NDUFAF2: variants seen among roughly 807,000 people sequenced by gnomAD.
NDUFAF2 encodes NADH:ubiquinone oxidoreductase complex assembly factor 2, also known as NADH dehydrogenase [ubiquinone] 1 alpha subcomplex assembly factor 2.
In NDUFAF2, 13 loss-of-function variants were observed where a neutral mutation model predicts 22.8. The observed-to-expected ratio is 0.57, with a 90% confidence interval of 0.37 to 0.91. NDUFAF2 has a LOEUF of 0.91. Among genes scored for constraint, NDUFAF2 ranks in the 40% least tolerant of loss-of-function variants. The pLI, the probability that NDUFAF2 is intolerant of heterozygous loss-of-function variation, is 0.01. For missense variants in NDUFAF2, 162 were observed against 195.2 expected (o/e 0.83, Z 1.01); for synonymous variants, 53 against 64.2 (o/e 0.83, Z 0.84).
chr5:61,107,126 G>A lies in NDUFAF2; in HGVS notation c.258+8094G>A, dbSNP rs550528103. ...AGCAGTAGAATTGCTAGATCATATG[G>A]TAGTTCCATTTTTAGTTTTTTCAGG... is the stretch of plus-strand genomic sequence containing the variant. On this transcript the variant is annotated intron_variant, in intron 3 of 3. Coordinates refer to ENST00000296597, the MANE Select transcript of NDUFAF2 (RefSeq NM_174889.5). Among the ~76,000 whole-genome samples the A allele has an allele frequency of 2.8e-4, 40 of 144,724 alleles. 1 individual carries two copies. The highest frequency in any genetic ancestry group is 9.6e-4 in the African/African-American group (37 of 38,478). The allele number at this position is 144,724 out of a possible 152,430, so 94.9% of individuals were successfully genotyped here.
At chr5:61,095,612 G>A (rs527297492) in intron 2 of NDUFAF2, among the ~76,000 whole-genome samples, 4 of 152,294 alleles carry the variant, frequency 2.6e-5, no homozygotes, top group South Asian at 2.1e-4. Context: ...GTAGAGCTGC[G>A]CCTCTGTGCG....
chr5:61,062,123 A>G (rs1033274159), intron 1 of NDUFAF2, among the ~76,000 whole-genome samples: 1 of 152,220 alleles, frequency 6.6e-6, no homozygotes. Context: ...AGATGTGCAG[A>G]TATATCAACA....
intron 1 of NDUFAF2, among the ~76,000 whole-genome samples, chr5:61,008,046 G>A (rs329615): frequency 0.15 from 22,500 of 150,480 alleles, 2,119 homozygotes; most frequent in South Asian, 0.28. Flanking sequence ...GTAAACTATC[G>A]CAAGAACAAA....
At chr5:61,134,280 A>G (rs1740867138) in intron 3 of NDUFAF2, among the ~76,000 whole-genome samples, 1 of 139,262 alleles carries the variant, frequency 7.2e-6, no homozygotes, top group African/African-American at 2.5e-5. Flanking sequence ...TAAAAATGAC[A>G]GGTAGAGGGA....
intron 1 of NDUFAF2, among the ~76,000 whole-genome samples, chr5:61,045,066 G>GTAAAATAAAA (rs1751931304): frequency 1.5e-5 from 2 of 130,710 alleles, no homozygotes; most frequent in African/African-American, 2.7e-5. Flanking sequence ...GTAAAATAAA[G>GTAAAATAAAA]TTTTATTAAA....
intron 1 of NDUFAF2, among the ~76,000 whole-genome samples, chr5:61,004,469 G>A (rs192238436): frequency 6.8e-4 from 103 of 152,084 alleles, no homozygotes; most frequent in African/African-American, 2.2e-3. Context: ...ATCTACTGGA[G>A]TATCATATAA....
intron 2 of NDUFAF2, among the ~76,000 whole-genome samples, chr5:61,080,820 C>T (rs1239455496): frequency 6.6e-6 from 1 of 152,058 alleles, no homozygotes; most frequent in African/African-American, 2.4e-5. Flanking sequence ...TTTTCATTCT[C>T]TTGACAGTGC....
chr5:61,010,213 A>C (rs1751426213), intron 1 of NDUFAF2, among the ~76,000 whole-genome samples: 1 of 152,032 alleles, frequency 6.6e-6, no homozygotes, highest in Admixed American at 6.6e-5. Flanking sequence ...CTGAGTTTCA[A>C]ATCTGATTAT....
intron 1 of NDUFAF2, among the ~76,000 whole-genome samples, chr5:60,994,955 T>C (rs1751210372): frequency 6.6e-6 from 1 of 152,154 alleles, no homozygotes; most frequent in South Asian, 2.1e-4. Flanking sequence ...TTCTTTCTTC[T>C]GCTTGATCAG....
chr5:61,124,660 A>G (rs1235209239), intron 3 of NDUFAF2, among the ~76,000 whole-genome samples: 1 of 152,116 alleles, frequency 6.6e-6, no homozygotes, highest in African/African-American at 2.4e-5. Context: ...CCACATTGAA[A>G]TGTTCAGTAG....
chr5:61,073,225 G>A lies in NDUFAF2; in HGVS notation c.217+11G>A. The A allele has an allele frequency of 6.4e-7, 1 of 1,574,406 alleles. No individual in the cohort carries two copies. Among genetic ancestry groups the A allele is most frequent in the Non-Finnish European group, 8.7e-7 (1 of 1,144,060 alleles). ...CAACAGAATGGGAAGGTAAGTTTCT[G>A]CTTTTAGTAGAATCTCATGGGAGGT... On this transcript the variant is annotated intron_variant, in intron 2 of 3. Transcript: ENST00000296597.
At chr5:61,115,528 A>C (rs1010467362) in intron 3 of NDUFAF2, 1 of 151,970 alleles carries the variant, frequency 6.6e-6, no homozygotes, top group Non-Finnish European at 1.5e-5. Flanking sequence ...TTCTATTTGG[A>C]CCTCTTGCTC....
intron 2 of NDUFAF2, 57 bp from the exon 3 acceptor site, chr5:61,098,935 A>C: frequency 6.8e-7 from 1 of 1,477,786 alleles, no homozygotes; most frequent in Non-Finnish European, 9.4e-7. Flanking sequence ...TTTTATGGAT[A>C]AAAATGTTTG....
chr5:61,072,542 G>A (rs1023503858), intron 1 of NDUFAF2, among the ~76,000 whole-genome samples: 1 of 152,046 alleles, frequency 6.6e-6, no homozygotes, highest in Non-Finnish European at 1.5e-5. Flanking sequence ...TGCTCTATAG[G>A]ATTAATTGGT....
intron 2 of NDUFAF2, among the ~76,000 whole-genome samples, chr5:61,080,521 T>G (rs1279000200): frequency 1.3e-5 from 2 of 152,338 alleles, no homozygotes; most frequent in Non-Finnish European, 2.9e-5. Flanking sequence ...CCATTGCTGT[T>G]GTCAGTTTCA....
chr5:61,106,383 A>G (rs295556), intron 3 of NDUFAF2, among the ~76,000 whole-genome samples: 23,906 of 151,268 alleles, frequency 0.16, 2,235 homozygotes, highest in South Asian at 0.26. Flanking sequence ...CATTATTCAC[A>G]TAGTATTCTT....
intron 2 of NDUFAF2, among the ~76,000 whole-genome samples, chr5:61,079,174 C>T (rs1752407966): frequency 6.6e-6 from 1 of 152,148 alleles, no homozygotes; most frequent in Admixed American, 6.5e-5. Context: ...ATCATTAACA[C>T]TGTTAATAAT....
Position 61,152,961 on chromosome 5 carries a change from T to C in NDUFAF2, c.*6T>C. 1 of 1,613,746 alleles carries C rather than the reference T, an allele frequency of 6.2e-7. No individual in the cohort carries two copies. The highest frequency in any genetic ancestry group is 8.5e-7 in the Non-Finnish European group (1 of 1,179,758). The stretch of plus-strand genomic sequence containing the variant: ...GCAAGAGCCACAATCAATGAATGCA[T>C]TATGGTCAAATCTTTTCATGTATAT... On this transcript the variant is annotated 3_prime_UTR_variant, in exon 4 of 4. Coordinates refer to ENST00000296597, the MANE Select transcript of NDUFAF2 (RefSeq NM_174889.5).
chr5:61,032,069 A>C (rs1580103871), intron 1 of NDUFAF2, among the ~76,000 whole-genome samples: 1 of 151,666 alleles, frequency 6.6e-6, no homozygotes, highest in East Asian at 1.9e-4. Flanking sequence ...CTTTTTGATG[A>C]GGTTTTTGTT....
Sources: gnomAD v4.1 joint callset for allele counts (sites outside exome capture counted in the v4.1 genomes callset) on GRCh38, gnomAD v4.1.1 for gene constraint, MANE v1.5 for transcripts, NCBI Gene and HGNC (gene_info 2026-07-23, HGNC 2026-07-21) for gene names.